The following NALCN variants were observed in gnomAD, a reference collection of about 807,000 sequenced individuals.
NALCN encodes sodium leak channel, non-selective.
In NALCN, 111 loss-of-function variants were observed where a neutral mutation model predicts 225.3. The observed-to-expected ratio is 0.49, with a 90% CI of 0.42 to 0.58. The LOEUF is 0.58. NALCN is among the 20% of genes least tolerant of loss of function. The pLI, the probability that NALCN is intolerant of heterozygous loss-of-function variation, is 0.00. For missense variants in NALCN, 1,378 were observed against 2,202.4 expected (o/e 0.63, Z 7.49); for synonymous variants, 764 against 769.0 (o/e 0.99, Z 0.11).
chr13:101,345,967 G>A (rs1436481556), intron 6 of NALCN, among the ~76,000 whole-genome samples: 1 of 146,928 alleles, frequency 6.8e-6, no homozygotes, highest in Non-Finnish European at 1.5e-5. Context: ...GAAATGAGGA[G>A]ATATACGTGA....
chr13:101,072,890 G>A (rs957139825), intron 37 of NALCN, among the ~76,000 whole-genome samples: 9 of 152,152 alleles, frequency 5.9e-5, no homozygotes, highest in Non-Finnish European at 7.4e-5. Flanking sequence ...AGTGGCTCCC[G>A]AATTGGACAG....
At position 101,200,150 on chromosome 13, in the gene NALCN, G is replaced by C. The variant is rs189596555; in HGVS notation, c.1627-8096C>G. Among the ~76,000 whole-genome samples, 424 of 152,184 alleles carry C rather than the reference G, an allele frequency of 2.8e-3. 1 individual carries two copies. Among genetic ancestry groups the C allele is most frequent in the African/African-American group, 8.4e-3 (349 of 41,518 alleles). On this transcript the variant is annotated intron_variant, in intron 13 of 43. Transcript: ENST00000251127. ...TCAACTCCACATTTTTACTTGGACA[G>C]ATGTTAGATAACAGGAATCTCAAGT...
chr13:101,384,106 G>A (rs1316410332), intron 3 of NALCN, among the ~76,000 whole-genome samples: 1 of 152,066 alleles, frequency 6.6e-6, no homozygotes. Flanking sequence ...TATAAGCATG[G>A]CCAGATCCTT....
intron 1 of NALCN, among the ~76,000 whole-genome samples, chr13:101,412,238 T>C (rs1347507555): frequency 1.3e-5 from 2 of 152,256 alleles, no homozygotes; most frequent in Non-Finnish European, 2.9e-5. Flanking sequence ...TTCCATGCAC[T>C]GTGATCCCCT....
intron 6 of NALCN, among the ~76,000 whole-genome samples, chr13:101,350,271 C>G (rs1214576108): frequency 1.3e-5 from 2 of 152,158 alleles, no homozygotes; most frequent in Non-Finnish European, 2.9e-5. Flanking sequence ...ACCCCCTTTC[C>G]CCCAAGTATC....
intron 14 of NALCN, among the ~76,000 whole-genome samples, chr13:101,179,883 C>T (rs2039121472): frequency 6.6e-6 from 1 of 152,118 alleles, no homozygotes; most frequent in South Asian, 2.1e-4. Flanking sequence ...GAGAATACTC[C>T]CTTGTCTCTT....
chr13:101,395,874 G>A (rs1384421626), intron 2 of NALCN, among the ~76,000 whole-genome samples: 1 of 152,000 alleles, frequency 6.6e-6, no homozygotes, highest in African/African-American at 2.4e-5. Context: ...TATCATAGTA[G>A]TTAAGAAATG....
At chr13:101,203,785 T>A (rs954335332) in intron 13 of NALCN, among the ~76,000 whole-genome samples, 1 of 152,186 alleles carries the variant, frequency 6.6e-6, no homozygotes, top group African/African-American at 2.4e-5. Flanking sequence ...TTGTTTTTTT[T>A]ACAATATACT....
chr13:101,294,268 A>C (rs905053401), intron 7 of NALCN, among the ~76,000 whole-genome samples: 36 of 152,350 alleles, frequency 2.4e-4, no homozygotes, highest in Non-Finnish European at 2.5e-4. Context: ...ATGGCAGACG[A>C]GGGTGATTAT....
intron 10 of NALCN, among the ~76,000 whole-genome samples, chr13:101,276,151 A>C (rs1474600221): frequency 6.6e-6 from 1 of 151,582 alleles, no homozygotes; most frequent in Non-Finnish European, 1.5e-5. Flanking sequence ...AGAGATGAGA[A>C]AGAGCCAGAA....
intron 6 of NALCN, among the ~76,000 whole-genome samples, chr13:101,360,061 CTT>C (rs141831537): frequency 0.031 from 4,692 of 151,002 alleles, 263 homozygotes; most frequent in African/African-American, 0.11. Context: ...TTTTCTCTTT[CTT>C]TCTTTTTCTT....
chr13:101,113,618 T>C (rs1297746544), intron 18 of NALCN, among the ~76,000 whole-genome samples: 1 of 152,198 alleles, frequency 6.6e-6, no homozygotes, highest in Admixed American at 6.5e-5. Flanking sequence ...AATGTTACTA[T>C]AGATAAGCAT....
In NALCN at chr13:101,271,642, GTGTA is replaced by G. The variant is rs2042779168; in HGVS notation, c.1134+12287_1134+12290del. On this transcript the variant is annotated intron_variant, in intron 10 of 43. Transcript: ENST00000251127. ...ATGTGTGTGTGTGAGGTATGTGCGT[GTGTA>G]TGTGTGAGCATGCATGATTATGTAC... Among the ~76,000 whole-genome samples the G allele has an allele frequency of 2.0e-5, 3 of 151,906 alleles. No individual in the cohort carries two copies. The East Asian group carries it at 5.8e-4, about 29-fold the overall frequency.
intron 13 of NALCN, among the ~76,000 whole-genome samples, chr13:101,197,734 A>G (rs1008508893): frequency 2.0e-5 from 3 of 152,194 alleles, no homozygotes; most frequent in African/African-American, 7.2e-5. Flanking sequence ...AGAAATAAGT[A>G]AATCAAAAGC....
In NALCN at chr13:101,131,332, TATA is replaced by T. The variant is rs573222943; in HGVS notation, c.2119-6654_2119-6652del. 2.8e-3 allele frequency among the ~76,000 whole-genome samples: 434 copies of T among 152,330 alleles called. 3 individuals are homozygous for T. The highest frequency in any genetic ancestry group is 9.3e-3 in the African/African-American group (387 of 41,586). On this transcript the variant is annotated intron_variant, in intron 17 of 43. Coordinates refer to ENST00000251127, the MANE Select transcript of NALCN (RefSeq NM_052867.4). ...AGACAGTATTCTGCTGTTTTTTTCT[TATA>T]ATAACGTTTGCAGGGAATTTGGCTT...
chr13:101,289,531 T>TATATATATATATAC (rs2043470058), intron 9 of NALCN, among the ~76,000 whole-genome samples: 1 of 124,742 alleles, frequency 8.0e-6, no homozygotes, highest in Non-Finnish European at 1.8e-5. Context: ...TGTGCATATA[T>TATATATATATATAC]ATATATATAT....
intron 11 of NALCN, among the ~76,000 whole-genome samples, chr13:101,240,106 T>G (rs2140162656): frequency 6.6e-6 from 1 of 152,206 alleles, no homozygotes; most frequent in Middle Eastern, 3.4e-3. Flanking sequence ...TAGCCAACAG[T>G]CTGGTTTCTA....
intron 11 of NALCN, among the ~76,000 whole-genome samples, chr13:101,253,631 A>G (rs2042126991): frequency 6.6e-6 from 1 of 152,184 alleles, no homozygotes; most frequent in Non-Finnish European, 1.5e-5. Flanking sequence ...ACTTTAACAC[A>G]AAATGTTATT....
intron 14 of NALCN, among the ~76,000 whole-genome samples, chr13:101,189,550 G>A (rs1416816501): frequency 2.0e-5 from 3 of 152,214 alleles, no homozygotes; most frequent in African/African-American, 7.2e-5. Flanking sequence ...ACAAACAACA[G>A]AGAGATCAGG....
Sources: gnomAD v4.1 joint callset for allele counts (sites outside exome capture counted in the v4.1 genomes callset) on GRCh38, gnomAD v4.1.1 for gene constraint, MANE v1.5 for transcripts, NCBI Gene and HGNC (gene_info 2026-07-23, HGNC 2026-07-21) for gene names.